Variants in CTNNA2 observed in about 807,000 individuals in gnomAD.
CTNNA2 encodes catenin alpha 2, also known as catenin alpha-2.
Under a neutral mutation model 101.0 loss-of-function variants are expected in CTNNA2, and 42 were observed. That is an observed-to-expected ratio of 0.42 (90% CI 0.32 to 0.54). The LOEUF is 0.54. CTNNA2 is among the 20% of genes least tolerant of loss of function. The pLI, the probability that CTNNA2 is intolerant of heterozygous loss-of-function variation, is 0.14. For synonymous variants in CTNNA2, 450 were observed against 456.4 expected (o/e 0.99, Z 0.18); for missense variants, 871 against 1,223.1 (o/e 0.71, Z 4.29).
chr2:80,498,815 A>G (rs1174437313), intron 9 of CTNNA2, among the ~76,000 whole-genome samples: 2 of 152,210 alleles, frequency 1.3e-5, no homozygotes, highest in African/African-American at 4.8e-5. Context: ...TTGAATATGT[A>G]ACCCTTTTCT....
rs750509593 is a variant in CTNNA2, at chr2:80,302,058, T to G, written c.1057-91153T>G. ...AAGGTTGTGGGGTGGGGTTTTTTGT[T>G]GTGTTTTAATTCGCTTTTGTTTTTA... On this transcript the variant is annotated intron_variant, in intron 7 of 18. Coordinates refer to ENST00000402739, the MANE Select transcript of CTNNA2 (RefSeq NM_001282597.3). This position sits in a 1 kb window ranked among gnomAD's most constrained non-coding sequence, Gnocchi z 6.4. 19 of 695,886 alleles carry G rather than the reference T, an allele frequency of 2.7e-5. No individual in the cohort carries two copies. Among genetic ancestry groups the G allele is most frequent in the Non-Finnish European group, 4.3e-5 (19 of 442,618 alleles). 43.1% of individuals were successfully genotyped at this position (695,886 alleles called of 1,614,324 possible).
chr2:80,303,665 C>T lies in CTNNA2; in HGVS notation c.1057-89546C>T. The stretch of plus-strand genomic sequence containing the variant: ...CGCCTCGGTGAGGTTGAGCGCCTCG[C>T]AGTACAGCAGCCGCCCCTCGCACCG... On this transcript the variant is annotated intron_variant, in intron 7 of 18. Coordinates refer to ENST00000402739, the MANE Select transcript of CTNNA2 (RefSeq NM_001282597.3). This position sits in a 1 kb window ranked among gnomAD's most constrained non-coding sequence, Gnocchi z 7.7. The T allele has an allele frequency of 6.2e-7, 1 of 1,611,840 alleles. No individual in the cohort carries two copies. The highest frequency in any genetic ancestry group is 8.5e-7 in the Non-Finnish European group (1 of 1,178,726).
chr2:79,889,657 T>C (rs1433815481), intron 6 of CTNNA2, among the ~76,000 whole-genome samples: 1 of 152,188 alleles, frequency 6.6e-6, no homozygotes, highest in Admixed American at 6.5e-5. Context: ...TTTATATGTG[T>C]CTAATCTATA....
chr2:79,300,584 T>A (rs535913752), intron 2 of CTNNA2, among the ~76,000 whole-genome samples: 1 of 152,060 alleles, frequency 6.6e-6, no homozygotes, highest in Admixed American at 6.6e-5. Flanking sequence ...TCCACCTCAA[T>A]TGATGCACTA....
intron 12 of CTNNA2, among the ~76,000 whole-genome samples, chr2:80,571,279 A>G (rs1694573757): frequency 6.6e-6 from 1 of 152,194 alleles, no homozygotes. Context: ...GTGTTTGATC[A>G]CAGTCATAAT....
chr2:79,708,786 T>C lies in CTNNA2; in HGVS notation c.103-35601T>C, dbSNP rs554241562. 2.6e-5 allele frequency among the ~76,000 whole-genome samples: 4 copies of C among 152,286 alleles called. No individual in the cohort carries two copies. In the South Asian group the frequency reaches 8.3e-4, roughly 32 times the overall value. On this transcript the variant is annotated intron_variant, in intron 2 of 18. Coordinates refer to ENST00000402739, the MANE Select transcript of CTNNA2 (RefSeq NM_001282597.3). ...TTTTTGCAAATTAATATTGATATAG[T>C]TCATCTTGATCAAAATATATTGACA...
chr2:79,222,021 C>G (rs1674351625), intron 2 of CTNNA2, among the ~76,000 whole-genome samples: 1 of 152,066 alleles, frequency 6.6e-6, no homozygotes, highest in Non-Finnish European at 1.5e-5. Context: ...CTGCCCAGCC[C>G]CTGGCATGGA....
intron 7 of CTNNA2, among the ~76,000 whole-genome samples, chr2:79,990,151 A>C (rs943999546): frequency 6.6e-6 from 1 of 152,132 alleles, no homozygotes; most frequent in African/African-American, 2.4e-5. Flanking sequence ...AGGGGATGGC[A>C]GGTAGATTTA....
chr2:79,489,402 C>A (rs1460635770), intron 4 of CTNNA2, among the ~76,000 whole-genome samples: 8 of 152,084 alleles, frequency 5.3e-5, no homozygotes, highest in Admixed American at 5.2e-4. Flanking sequence ...AGCCATCCTT[C>A]CTCCCTGTGA....
chr2:79,601,929 T>C (rs980800499), intron 1 of CTNNA2, among the ~76,000 whole-genome samples: 1 of 152,246 alleles, frequency 6.6e-6, no homozygotes, highest in Non-Finnish European at 1.5e-5. Context: ...ACCTTAAACA[T>C]GCTCAGAACA....
At chr2:79,676,497 T>C (rs1400743820) in intron 2 of CTNNA2, among the ~76,000 whole-genome samples, 1 of 152,146 alleles carries the variant, frequency 6.6e-6, no homozygotes, top group African/African-American at 2.4e-5. Flanking sequence ...ATGGAGCACA[T>C]GTATATCCAT....
chr2:79,597,167 G>A (rs553037946), intron 1 of CTNNA2, among the ~76,000 whole-genome samples: 3 of 152,156 alleles, frequency 2.0e-5, no homozygotes, highest in South Asian at 2.1e-4. Context: ...GTTTGTTTTC[G>A]CCTTAGAAAT....
At chr2:80,597,532 C>T (rs1047201746) in intron 15 of CTNNA2, among the ~76,000 whole-genome samples, 1 of 152,126 alleles carries the variant, frequency 6.6e-6, no homozygotes, top group African/African-American at 2.4e-5. Flanking sequence ...TCAGAGTGAA[C>T]AGGCAACCTA....
At chr2:79,536,802 A>G (rs1355667633) in intron 1 of CTNNA2, among the ~76,000 whole-genome samples, 1 of 151,560 alleles carries the variant, frequency 6.6e-6, no homozygotes, top group East Asian at 1.9e-4. Context: ...CCCGGGTTCA[A>G]GGAGTTCTCC....
chr2:79,665,227 C>T (rs1469584690), intron 2 of CTNNA2, among the ~76,000 whole-genome samples: 1 of 152,100 alleles, frequency 6.6e-6, no homozygotes, highest in African/African-American at 2.4e-5. Flanking sequence ...TTAGATGCTG[C>T]CTTCTGATTT....
intron 7 of CTNNA2, among the ~76,000 whole-genome samples, chr2:80,239,235 T>C (rs1177556877): frequency 2.6e-5 from 4 of 152,218 alleles, no homozygotes; most frequent in East Asian, 1.9e-4. Flanking sequence ...AGTGCTCTCA[T>C]GCTGGGAGAA....
chr2:80,118,335 GT>G (rs1439595997), intron 7 of CTNNA2, among the ~76,000 whole-genome samples: 1 of 152,198 alleles, frequency 6.6e-6, no homozygotes, highest in Non-Finnish European at 1.5e-5. Flanking sequence ...AATGGAGGAA[GT>G]CCAGGCTTTC....
chr2:80,432,118 A>G (rs547256985), intron 9 of CTNNA2, among the ~76,000 whole-genome samples: 36 of 152,072 alleles, frequency 2.4e-4, no homozygotes, highest in Non-Finnish European at 4.0e-4. Flanking sequence ...TTCACACTCA[A>G]TCTTTAAATT....
intron 1 of CTNNA2, among the ~76,000 whole-genome samples, chr2:79,582,616 C>T (rs1676216948): frequency 6.6e-6 from 1 of 152,046 alleles, no homozygotes; most frequent in Non-Finnish European, 1.5e-5. Flanking sequence ...CAATTAGATT[C>T]TTTTCTAATT....
Sources: gnomAD v4.1 joint callset for allele counts (sites outside exome capture counted in the v4.1 genomes callset) on GRCh38, gnomAD v4.1.1 for gene constraint, Gnocchi (gnomAD v3.1) non-coding constraint, MANE v1.5 for transcripts, NCBI Gene and HGNC (gene_info 2026-07-23, HGNC 2026-07-21) for gene names.